SPOPL: variants seen among roughly 807,000 people sequenced by gnomAD.
The protein encoded by SPOPL is speckle type BTB/POZ protein like.
A neutral mutation model predicts 53.8 loss-of-function variants in SPOPL; 23 were observed. That is an observed-to-expected ratio of 0.43 (90% confidence interval 0.31 to 0.61). SPOPL has a LOEUF of 0.61. Among genes scored for constraint, SPOPL ranks in the 20% least tolerant of loss-of-function variants. SPOPL has a pLI of 0.12. For synonymous variants in SPOPL, 164 were observed against 149.7 expected, an observed-to-expected ratio of 1.10 and a Z score of -0.70; for missense variants, 442 against 466.9, an observed-to-expected ratio of 0.95 and a Z score of 0.49.
chr2:138,557,913 C>G (rs1001438800), intron 5 of SPOPL, among the ~76,000 whole-genome samples: 1 of 152,110 alleles, frequency 6.6e-6, no homozygotes, highest in African/African-American at 2.4e-5. Context: ...AATCCCAACA[C>G]TTTGGGAGGT....
At chr2:138,565,354 A>G (rs1685638368) in intron 10 of SPOPL, among the ~76,000 whole-genome samples, 1 of 152,208 alleles carries the variant, frequency 6.6e-6, no homozygotes, top group African/African-American at 2.4e-5. Context: ...AGATTTGCTG[A>G]GAAAGCCTTT....
intron 1 of SPOPL, among the ~76,000 whole-genome samples, chr2:138,534,852 A>G (rs1413259500): frequency 1.3e-5 from 2 of 152,220 alleles, no homozygotes; most frequent in Non-Finnish European, 2.9e-5. Flanking sequence ...AAATGATACA[A>G]TGTGGCCTTT....
chr2:138,525,496 T>C (rs1387898238), intron 1 of SPOPL, among the ~76,000 whole-genome samples: 1 of 152,094 alleles, frequency 6.6e-6, no homozygotes, highest in Admixed American at 6.5e-5. Flanking sequence ...TACTGCTTTT[T>C]TTTCCTACTT....
At chr2:138,518,969 G>A (rs544750583) in intron 1 of SPOPL, among the ~76,000 whole-genome samples, 9 of 152,010 alleles carry the variant, frequency 5.9e-5, no homozygotes, top group Non-Finnish European at 1.2e-4. Flanking sequence ...TCTATTTACC[G>A]GACACTGTAC....
intron 1 of SPOPL, among the ~76,000 whole-genome samples, chr2:138,525,667 A>AAAACAAAC (rs1684658748): frequency 6.7e-6 from 1 of 148,708 alleles, no homozygotes; most frequent in African/African-American, 2.5e-5. Context: ...AAAAAAAAAA[A>AAAACAAAC]AAAAAAATAC....
At chr2:138,537,021 C>T (rs748623063) in intron 1 of SPOPL, among the ~76,000 whole-genome samples, 7 of 152,148 alleles carry the variant, frequency 4.6e-5, no homozygotes, top group Non-Finnish European at 1.0e-4. Context: ...GTGATTGGTA[C>T]CCTGACAGCA....
chr2:138,541,456 C>T (rs538082707), intron 1 of SPOPL, among the ~76,000 whole-genome samples: 3 of 151,960 alleles, frequency 2.0e-5, no homozygotes, highest in Non-Finnish European at 2.9e-5. Context: ...TCAACTTCTT[C>T]CTGGTTTAGT....
At chr2:138,540,604 C>T (rs1685048761) in intron 1 of SPOPL, among the ~76,000 whole-genome samples, 1 of 152,138 alleles carries the variant, frequency 6.6e-6, no homozygotes, top group Non-Finnish European at 1.5e-5. Flanking sequence ...TATCCTGAGA[C>T]TTTGCTGAAG....
In SPOPL at chr2:138,572,622, C is replaced by G. The variant is rs1488383715; in HGVS notation, c.*3542C>G. ...AATAAAAATATTCAATTTATTCTTA[C>G]AAAAGAAGGTGGGTGGGTGAGTGGG... is the stretch of plus-strand genomic sequence containing the variant. On this transcript the variant is annotated 3_prime_UTR_variant, in exon 11 of 11. Coordinates refer to ENST00000280098, the MANE Select transcript of SPOPL (RefSeq NM_001001664.3). The G allele has an allele frequency of 6.6e-6, 1 of 152,516 alleles. No homozygotes were observed. Among genetic ancestry groups the G allele is most frequent in the Non-Finnish European group, 1.5e-5 (1 of 67,984 alleles). The allele number at this position is 152,516 out of a possible 1,614,324, so 9.4% of individuals were successfully genotyped here.
intron 1 of SPOPL, among the ~76,000 whole-genome samples, chr2:138,514,911 A>G (rs1400480866): frequency 6.6e-6 from 1 of 152,096 alleles, no homozygotes; most frequent in African/African-American, 2.4e-5. Context: ...TGGGTGTAAC[A>G]TGGTATTAAG....
At chr2:138,560,196 T>G (rs1046627120) in intron 7 of SPOPL, among the ~76,000 whole-genome samples, 2 of 152,154 alleles carry the variant, frequency 1.3e-5, no homozygotes, top group Admixed American at 1.3e-4. Context: ...GAAGTGCCAG[T>G]ATATGATAAT....
At chr2:138,560,087 T>C (rs745468541) in intron 7 of SPOPL, among the ~76,000 whole-genome samples, 2 of 152,324 alleles carry the variant, frequency 1.3e-5, no homozygotes, top group East Asian at 1.9e-4. Context: ...TGTCATTTAG[T>C]TAGATATTTA....
chr2:138,530,194 A>AT (rs1483829014), intron 1 of SPOPL, among the ~76,000 whole-genome samples: 1 of 152,012 alleles, frequency 6.6e-6, no homozygotes, highest in Non-Finnish European at 1.5e-5. Context: ...GGTGTATGAC[A>AT]TTTTTTTAAT....
intron 5 of SPOPL, among the ~76,000 whole-genome samples, chr2:138,554,179 A>AT (rs945253968): frequency 1.1e-3 from 157 of 146,250 alleles, no homozygotes; most frequent in Admixed American, 1.9e-3. Flanking sequence ...TGAAATTAAG[A>AT]TTTTTTTTTT....
At chr2:138,556,222 T>C (rs1318863380) in intron 5 of SPOPL, among the ~76,000 whole-genome samples, 1 of 152,162 alleles carries the variant, frequency 6.6e-6, no homozygotes, top group African/African-American at 2.4e-5. Context: ...GTAATACAGA[T>C]CTTCTGAATT....
At chr2:138,519,421 G>T (rs1177763886) in intron 1 of SPOPL, among the ~76,000 whole-genome samples, 1 of 148,258 alleles carries the variant, frequency 6.7e-6, no homozygotes, top group Non-Finnish European at 1.5e-5. Flanking sequence ...GATTTGTTGG[G>T]CTTTAAAAAA....
chr2:138,552,831 T>G (rs759402682), intron 5 of SPOPL, 150 bp downstream of exon 5: 42 of 972,698 alleles, frequency 4.3e-5, no homozygotes, highest in Non-Finnish European at 6.0e-5. Flanking sequence ...GCTTAGAAAA[T>G]TCTTGACACA....
At chr2:138,539,262 C>T (rs1685008599) in intron 1 of SPOPL, among the ~76,000 whole-genome samples, 1 of 152,186 alleles carries the variant, frequency 6.6e-6, no homozygotes, top group African/African-American at 2.4e-5. Flanking sequence ...TGGGTATATA[C>T]CCAGTAATGG....
intron 2 of SPOPL, 63 bp downstream of exon 2, chr2:138,550,357 A>G (rs928491643): frequency 2.5e-6 from 4 of 1,600,572 alleles, no homozygotes; most frequent in South Asian, 2.2e-5. Flanking sequence ...TGTTGAGAAT[A>G]GTATTGTGAA....
Sources: gnomAD v4.1 joint callset for allele counts (sites outside exome capture counted in the v4.1 genomes callset) on GRCh38, gnomAD v4.1.1 for gene constraint, MANE v1.5 for transcripts, NCBI Gene and HGNC (gene_info 2026-07-23, HGNC 2026-07-21) for gene names.